Variants in NALCN observed in about 807,000 individuals in gnomAD.
NALCN encodes sodium leak channel, non-selective.
NALCN carries 111 observed loss-of-function variants against 225.3 expected under a neutral mutation model. The observed-to-expected ratio is 0.49, with a 90% confidence interval of 0.42 to 0.58. The LOEUF is 0.58. Ranked by LOEUF, NALCN falls within the 20% of genes least tolerant of loss-of-function variation. The probability of loss-of-function intolerance (pLI) is 0.00; values close to 1 mark genes in which losing one functional copy is unlikely to be tolerated. For missense variants in NALCN, 1,378 were observed against 2,202.4 expected (o/e 0.63, Z 7.49); for synonymous variants, 764 against 769.0 (o/e 0.99, Z 0.11).
At chr13:101,414,156 A>T (rs2047866945) in intron 1 of NALCN, among the ~76,000 whole-genome samples, 2 of 150,972 alleles carry the variant, frequency 1.3e-5, no homozygotes, top group South Asian at 4.2e-4. Context: ...AAGTGCTGGG[A>T]TTATAGGCAT....
chr13:101,115,355 G>T (rs2035656431), intron 18 of NALCN, among the ~76,000 whole-genome samples: 1 of 152,092 alleles, frequency 6.6e-6, no homozygotes, highest in Non-Finnish European at 1.5e-5. Flanking sequence ...AAGCCAAGAG[G>T]GAGCAGAGCA....
intron 3 of NALCN, among the ~76,000 whole-genome samples, chr13:101,383,419 A>G (rs1443531175): frequency 1.3e-5 from 2 of 152,152 alleles, no homozygotes; most frequent in East Asian, 1.9e-4. Context: ...AAAAAAAAAG[A>G]AGTCTATCTC....
At chr13:101,280,597 C>T (rs959647800) in intron 10 of NALCN, among the ~76,000 whole-genome samples, 6 of 152,152 alleles carry the variant, frequency 3.9e-5, no homozygotes, top group South Asian at 2.1e-4. Flanking sequence ...GGATACCATA[C>T]GACTCTGATT....
At chr13:101,348,590 TTAATGA>T (rs577972261) in intron 6 of NALCN, among the ~76,000 whole-genome samples, 1,670 of 152,292 alleles carry the variant, frequency 0.011, 32 homozygotes, top group African/African-American at 0.038. Context: ...CACTCAACTG[TTAATGA>T]TTATGATTTT....
chr13:101,074,462 A>G, intron 36 of NALCN, 52 bp downstream of exon 36: 1 of 1,431,412 alleles, frequency 7.0e-7, no homozygotes. Flanking sequence ...TTAAAATTTT[A>G]TTACCAAAGG....
At chr13:101,343,148 T>C (rs1187741588) in intron 7 of NALCN, among the ~76,000 whole-genome samples, 4 of 152,186 alleles carry the variant, frequency 2.6e-5, no homozygotes, top group African/African-American at 4.8e-5. Flanking sequence ...AAAAATTGTC[T>C]TTTGTTTCCA....
intron 6 of NALCN, among the ~76,000 whole-genome samples, chr13:101,347,411 TACC>T (rs1321959573): frequency 5.9e-5 from 9 of 152,312 alleles, no homozygotes; most frequent in African/African-American, 1.9e-4. Context: ...TTGTGGAAAT[TACC>T]ACAATTGGGT....
At chr13:101,415,224 T>TATATATATATATATATAG (rs1566669133) in intron 1 of NALCN, among the ~76,000 whole-genome samples, 3 of 76,768 alleles carry the variant, frequency 3.9e-5, no homozygotes, top group African/African-American at 1.7e-4. Flanking sequence ...TATATATATA[T>TATATATATATATATATAG]ACATACATAT....
At chr13:101,235,225 T>C (rs1364003436) in intron 12 of NALCN, among the ~76,000 whole-genome samples, 1 of 152,164 alleles carries the variant, frequency 6.6e-6, no homozygotes, top group Non-Finnish European at 1.5e-5. Flanking sequence ...CCTCAAATGT[T>C]TGTCATTTAA....
chr13:101,292,125 A>G lies in NALCN; in HGVS notation c.943-31T>C. On this transcript the variant is annotated intron_variant, in intron 8 of 43. Transcript: ENST00000251127. This position sits in a 1 kb window ranked among gnomAD's most constrained non-coding sequence, Gnocchi z 4.3. ...AAAAATCACAAACCACATTTACCAA[A>G]GTCTAAGAATGACAAAGCAGAGGGC... is the stretch of plus-strand genomic sequence containing the variant. The G allele has an allele frequency of 6.2e-7, 1 of 1,613,260 alleles. No homozygotes were observed. The highest frequency in any genetic ancestry group is 8.5e-7 in the Non-Finnish European group (1 of 1,179,490).
intron 3 of NALCN, among the ~76,000 whole-genome samples, chr13:101,389,389 C>A (rs977416226): frequency 1.6e-4 from 24 of 152,160 alleles, no homozygotes; most frequent in Non-Finnish European, 5.9e-5. Flanking sequence ...CAAATGACTA[C>A]CAATGTCCCC....
intron 37 of NALCN, among the ~76,000 whole-genome samples, chr13:101,072,481 C>T (rs2032963957): frequency 1.3e-5 from 2 of 152,224 alleles, no homozygotes; most frequent in Admixed American, 1.3e-4. Flanking sequence ...TCTGAGAGAA[C>T]TTTCTGGTTT....
intron 14 of NALCN, among the ~76,000 whole-genome samples, chr13:101,183,792 T>C (rs1001345475): frequency 6.6e-6 from 1 of 152,082 alleles, no homozygotes; most frequent in Non-Finnish European, 1.5e-5. Context: ...CAGGATATAC[T>C]ATGTCCCTAT....
intron 6 of NALCN, among the ~76,000 whole-genome samples, chr13:101,354,993 A>C (rs1220271952): frequency 2.0e-5 from 3 of 152,200 alleles, no homozygotes; most frequent in African/African-American, 7.2e-5. Context: ...GCCAACTCCT[A>C]GGTGATCAAT....
At chr13:101,133,435 T>A (rs2036611328) in intron 17 of NALCN, among the ~76,000 whole-genome samples, 2 of 152,184 alleles carry the variant, frequency 1.3e-5, no homozygotes, top group South Asian at 4.1e-4. Context: ...CACGGTCCAA[T>A]GAATATGGCT....
intron 13 of NALCN, among the ~76,000 whole-genome samples, chr13:101,217,658 C>G (rs1349005696): frequency 6.6e-6 from 1 of 152,124 alleles, no homozygotes; most frequent in Non-Finnish European, 1.5e-5. Flanking sequence ...TGCACATGCT[C>G]TCAACCTCAA....
At chr13:101,192,354 AT>A (rs934871403) in intron 13 of NALCN, among the ~76,000 whole-genome samples, 3 of 152,084 alleles carry the variant, frequency 2.0e-5, no homozygotes, top group Non-Finnish European at 4.4e-5. Context: ...TTTGCCGTTA[AT>A]TTTTTTCCTT....
At chr13:101,288,005 C>T (rs1325427061) in intron 9 of NALCN, among the ~76,000 whole-genome samples, 1 of 152,130 alleles carries the variant, frequency 6.6e-6, no homozygotes, top group Non-Finnish European at 1.5e-5. Context: ...ATTTACTTTG[C>T]AATTTGCATG....
chr13:101,106,849 T>C (rs530729841), intron 22 of NALCN, among the ~76,000 whole-genome samples: 1 of 152,326 alleles, frequency 6.6e-6, no homozygotes, highest in Admixed American at 6.5e-5. Flanking sequence ...TCTTTATCAG[T>C]GGCATGAAAA....
Sources: gnomAD v4.1 joint callset for allele counts (sites outside exome capture counted in the v4.1 genomes callset) on GRCh38, gnomAD v4.1.1 for gene constraint, Gnocchi (gnomAD v3.1) non-coding constraint, MANE v1.5 for transcripts, NCBI Gene and HGNC (gene_info 2026-07-23, HGNC 2026-07-21) for gene names.